TMEM30A: variants seen among roughly 807,000 people sequenced by gnomAD.
TMEM30A encodes the protein cell cycle control protein 50A.
A neutral mutation model predicts 38.2 loss-of-function variants in TMEM30A; 24 were observed. The ratio of observed to expected loss-of-function variants is 0.63; its 90% CI spans 0.46 to 0.88. The LOEUF (loss-of-function observed/expected upper bound fraction) is 0.88. Among genes scored for constraint, TMEM30A ranks in the 40% least tolerant of loss-of-function variants. The pLI, the probability that TMEM30A is intolerant of heterozygous loss-of-function variation, is 0.00. For missense variants in TMEM30A, 370 were observed against 458.6 expected (o/e 0.81, Z 1.77); for synonymous variants, 145 against 161.6 (o/e 0.90, Z 0.78).
intron 1 of TMEM30A, among the ~76,000 whole-genome samples, chr6:75,277,606 T>C (rs1323616941): frequency 6.6e-6 from 1 of 150,700 alleles, no homozygotes; most frequent in African/African-American, 2.5e-5. Context: ...CCATCTCTAT[T>C]TTTTTTAAAA....
chr6:75,284,345 C>T, intron 1 of TMEM30A, 57 bp downstream of exon 1: 6 of 1,522,562 alleles, frequency 3.9e-6, no homozygotes, highest in Admixed American at 1.7e-5. Flanking sequence ...GTGGAGTGGG[C>T]GCGTAGGACC....
At position 75,254,833 on chromosome 6, in the gene TMEM30A, A is replaced by G. The variant is rs1469159414; in HGVS notation, c.*1269T>C. On this transcript the variant is annotated 3_prime_UTR_variant, in exon 7 of 7. Transcript: ENST00000230461. ...ATTATTTTTAACTAGAACTTTAAGA[A>G]TAAGTTCCATAGCAAACAAGTTACA... 6.6e-6 allele frequency: 1 copy of G among 152,572 alleles called. No homozygotes were observed. Among genetic ancestry groups the G allele is most frequent in the Non-Finnish European group, 1.5e-5 (1 of 67,986 alleles). 9.5% of individuals were successfully genotyped at this position (152,572 alleles called of 1,614,324 possible).
Position 75,260,815 on chromosome 6 carries a change from A to G in TMEM30A, c.541+9T>C, listed in dbSNP as rs751876397. On this transcript the variant is annotated intron_variant, in intron 4 of 6. Coordinates refer to ENST00000230461, the MANE Select transcript of TMEM30A (RefSeq NM_018247.4). ...ATTATATATGTCTATATTTGTATCT[A>G]TATCATACCATTAAACATGCTGTTG... The G allele has an allele frequency of 3.2e-6, 5 of 1,550,034 alleles. No homozygotes were observed. In the South Asian group the frequency reaches 3.6e-5, roughly 11 times the overall value.
At chr6:75,272,276 C>T (rs1213171041) in intron 1 of TMEM30A, among the ~76,000 whole-genome samples, 1 of 152,232 alleles carries the variant, frequency 6.6e-6, no homozygotes, top group Non-Finnish European at 1.5e-5. Context: ...TACTCTAAAG[C>T]CTCCTATCAA....
chr6:75,270,708 T>C (rs775132731), intron 1 of TMEM30A, among the ~76,000 whole-genome samples: 1 of 152,250 alleles, frequency 6.6e-6, no homozygotes, highest in African/African-American at 2.4e-5. Context: ...GACACCGTAG[T>C]ACTCCTTGGT....
intron 5 of TMEM30A, 58 bp from the exon 6 acceptor site, chr6:75,259,044 GGC>G (rs1771918680): frequency 7.0e-7 from 1 of 1,437,924 alleles, no homozygotes; most frequent in East Asian, 2.3e-5. Flanking sequence ...AAATTAAAGT[GGC>G]GGAGAAACGA....
chr6:75,269,770 C>T (rs1236206389), intron 1 of TMEM30A, among the ~76,000 whole-genome samples: 1 of 152,194 alleles, frequency 6.6e-6, no homozygotes, highest in Non-Finnish European at 1.5e-5. Flanking sequence ...TCTCGGCTCA[C>T]TGCAACCTCC....
intron 1 of TMEM30A, among the ~76,000 whole-genome samples, chr6:75,276,144 C>A (rs1223720626): frequency 6.6e-6 from 1 of 152,226 alleles, no homozygotes. Context: ...AAGTGTGGCA[C>A]CCCAGTGAGC....
At chr6:75,278,511 G>A (rs534382660) in intron 1 of TMEM30A, among the ~76,000 whole-genome samples, 2 of 152,192 alleles carry the variant, frequency 1.3e-5, no homozygotes, top group African/African-American at 4.8e-5. Flanking sequence ...CATTGCTACC[G>A]TGAAAAGGCA....
At chr6:75,263,935 T>C (rs1772016504) in intron 3 of TMEM30A, among the ~76,000 whole-genome samples, 1 of 152,180 alleles carries the variant, frequency 6.6e-6, no homozygotes, top group Non-Finnish European at 1.5e-5. Context: ...CCACCATTTC[T>C]GGGGTTTTGG....
At chr6:75,283,951 T>C (rs1026555984) in intron 1 of TMEM30A, among the ~76,000 whole-genome samples, 2 of 152,218 alleles carry the variant, frequency 1.3e-5, no homozygotes, top group Non-Finnish European at 2.9e-5. Flanking sequence ...TCTCTGTGTC[T>C]TGGGATACTT....
At chr6:75,268,546 G>T (rs1215051960) in intron 1 of TMEM30A, among the ~76,000 whole-genome samples, 1 of 152,200 alleles carries the variant, frequency 6.6e-6, no homozygotes, top group East Asian at 1.9e-4. Flanking sequence ...CCACTAATGT[G>T]CTGGGAGGGT....
At chr6:75,257,580 C>T (rs1266037672) in intron 6 of TMEM30A, among the ~76,000 whole-genome samples, 1 of 152,124 alleles carries the variant, frequency 6.6e-6, no homozygotes, top group East Asian at 1.9e-4. Context: ...GTTTGACTAT[C>T]CCCTCAGGAT....
chr6:75,256,350 C>T (rs1771867437), intron 6 of TMEM30A, 55 bp from the exon 7 acceptor site: 1 of 1,478,100 alleles, frequency 6.8e-7, no homozygotes, highest in African/African-American at 1.4e-5. Context: ...GTTTAAAATA[C>T]AATTTTAAAA....
At chr6:75,258,723 T>G (rs1463079097) in intron 6 of TMEM30A, 57 bp downstream of exon 6, 28 of 1,492,752 alleles carry the variant, frequency 1.9e-5, no homozygotes, top group Non-Finnish European at 2.0e-5. Flanking sequence ...AGATATAAGG[T>G]TGGACTCGAC....
intron 1 of TMEM30A, among the ~76,000 whole-genome samples, chr6:75,278,506 C>T (rs1772298903): frequency 6.6e-6 from 1 of 152,158 alleles, no homozygotes; most frequent in East Asian, 1.9e-4. Context: ...TTCCACATTG[C>T]TACCGTGAAA....
intron 1 of TMEM30A, among the ~76,000 whole-genome samples, chr6:75,277,027 G>A (rs1033909818): frequency 1.3e-5 from 2 of 151,944 alleles, no homozygotes; most frequent in Admixed American, 6.6e-5. Flanking sequence ...GGCTTCCCCT[G>A]GCTACCCTAT....
At chr6:75,258,317 CTAA>C (rs1316077212) in intron 6 of TMEM30A, among the ~76,000 whole-genome samples, 4 of 152,024 alleles carry the variant, frequency 2.6e-5, no homozygotes, top group South Asian at 2.1e-4. Flanking sequence ...AACAATATAG[CTAA>C]TAATAAAATG....
chr6:75,260,682 A>T, intron 4 of TMEM30A, 142 bp downstream of exon 4: 1 of 448,642 alleles, frequency 2.2e-6, no homozygotes, highest in Non-Finnish European at 3.8e-6. Flanking sequence ...ACAAATCATT[A>T]TAATACCCCA....
Sources: gnomAD v4.1 joint callset for allele counts (sites outside exome capture counted in the v4.1 genomes callset) on GRCh38, gnomAD v4.1.1 for gene constraint, MANE v1.5 for transcripts, NCBI Gene and HGNC (gene_info 2026-07-23, HGNC 2026-07-21) for gene names.